The following CLOCK variants were observed in gnomAD, a reference collection of about 807,000 sequenced individuals.
CLOCK encodes the protein clock circadian regulator.
CLOCK carries 43 observed loss-of-function variants against 118.4 expected under a neutral mutation model. The observed-to-expected ratio is 0.36, with a 90% CI of 0.28 to 0.47. CLOCK has a LOEUF of 0.47. CLOCK is among the 20% of genes least tolerant of loss of function. The pLI is 1.00. For missense variants in CLOCK, 846 were observed against 999.9 expected, an observed-to-expected ratio of 0.85 and a Z score of 2.08; for synonymous variants, 326 against 339.2, an observed-to-expected ratio of 0.96 and a Z score of 0.43.
intron 8 of CLOCK, among the ~76,000 whole-genome samples, chr4:55,464,382 A>G (rs777251781): frequency 3.3e-5 from 5 of 152,258 alleles, no homozygotes; most frequent in African/African-American, 4.8e-5. Flanking sequence ...ATTAATCAAT[A>G]GCAATTTGAC....
intron 2 of CLOCK, among the ~76,000 whole-genome samples, chr4:55,502,875 A>G (rs760809436): frequency 1.2e-4 from 18 of 152,192 alleles, no homozygotes; most frequent in Non-Finnish European, 2.1e-4. Flanking sequence ...GGATATTCAA[A>G]TGGTCAACAG....
intron 1 of CLOCK, among the ~76,000 whole-genome samples, chr4:55,534,685 G>C (rs1312608256): frequency 6.6e-6 from 1 of 152,124 alleles, no homozygotes; most frequent in African/African-American, 2.4e-5. Context: ...CAGAATAGTA[G>C]CTGGCACAGA....
chr4:55,534,774 C>CAAA, intron 1 of CLOCK, among the ~76,000 whole-genome samples: 1 of 55,076 alleles, frequency 1.8e-5, no homozygotes, highest in Middle Eastern at 0.013. Context: ...CTTCAAAGCA[C>CAAA]TACTGAGAAA....
chr4:55,499,797 T>G (rs1426380071), intron 2 of CLOCK, among the ~76,000 whole-genome samples: 1 of 152,214 alleles, frequency 6.6e-6, no homozygotes, highest in African/African-American at 2.4e-5. Context: ...TTGCCATGTT[T>G]CTTTCGCTCT....
intron 13 of CLOCK, among the ~76,000 whole-genome samples, chr4:55,455,011 G>A (rs761630626): frequency 6.6e-6 from 1 of 152,080 alleles, no homozygotes; most frequent in Non-Finnish European, 1.5e-5. Flanking sequence ...GTGCTGAAAT[G>A]ACTTTACTCT....
intron 2 of CLOCK, among the ~76,000 whole-genome samples, chr4:55,498,464 T>G (rs1027938623): frequency 2.6e-5 from 4 of 152,170 alleles, no homozygotes; most frequent in Non-Finnish European, 5.9e-5. Context: ...TATCTAAGTT[T>G]ATATTTAGGA....
intron 1 of CLOCK, among the ~76,000 whole-genome samples, chr4:55,510,629 TAAAAAAAAAAAAAA>T (rs3842583): frequency 9.6e-6 from 1 of 104,310 alleles, no homozygotes; most frequent in Non-Finnish European, 1.8e-5. Flanking sequence ...TCTGTCTTTT[TAAAAAAAAAAAAAA>T]AAAAAAAAAA....
Position 55,546,884 on chromosome 4 carries a change from C to G in CLOCK, c.-392G>C, listed in dbSNP as rs1287842858. 6.6e-6 allele frequency: 1 copy of G among 152,130 alleles called. No individual in the cohort carries two copies. The highest frequency in any genetic ancestry group is 1.5e-5 in the Non-Finnish European group (1 of 68,016). The allele number at this position is 152,130 out of a possible 1,614,324, so 9.4% of individuals were successfully genotyped here. ...CCGCAAGCCGAGTCCGTGATTGCGCCCCCTCCCGGCGCATGCGTCGTCAGC... is the reference window on the plus strand; with the variant it reads ...CCGCAAGCCGAGTCCGTGATTGCGCGCCCTCCCGGCGCATGCGTCGTCAGC... On this transcript the variant is annotated 5_prime_UTR_variant, in exon 1 of 23. Coordinates refer to ENST00000513440, the MANE Select transcript of CLOCK (RefSeq NM_004898.4).
intron 1 of CLOCK, among the ~76,000 whole-genome samples, chr4:55,536,637 C>T (rs2110103578): frequency 6.6e-6 from 1 of 152,280 alleles, no homozygotes; most frequent in Admixed American, 6.5e-5. Context: ...TTCCTATACA[C>T]TTTGGAGAAC....
Position 55,482,922 on chromosome 4 carries a change from C to A in CLOCK, c.-43-94G>T. On this transcript the variant is annotated intron_variant, in intron 3 of 22. Transcript: ENST00000513440. Reference sequence around the variant, plus strand: ...GAAATACTATATGTTATCACAGAGACTTCAAAACGTTTTGTTTGTACTGAA... The same window carrying A: ...GAAATACTATATGTTATCACAGAGAATTCAAAACGTTTTGTTTGTACTGAA... The A allele has an allele frequency of 5.3e-6, 3 of 564,168 alleles. No individual in the cohort carries two copies. In the Admixed American group the frequency reaches 1.0e-4, roughly 19 times the overall value. The allele number at this position is 564,168 out of a possible 1,614,324, so 34.9% of individuals were successfully genotyped here. A position where few individuals can be genotyped will look rare whatever the true frequency, so the allele number is the denominator to read the frequency against.
chr4:55,457,043 A>T (rs185937740), intron 11 of CLOCK, among the ~76,000 whole-genome samples: 2 of 152,326 alleles, frequency 1.3e-5, no homozygotes, highest in Non-Finnish European at 2.9e-5. Flanking sequence ...AATAACCTTT[A>T]GATGCAAGCT....
intron 2 of CLOCK, among the ~76,000 whole-genome samples, chr4:55,490,448 G>A (rs1231786412): frequency 6.6e-6 from 1 of 151,962 alleles, no homozygotes; most frequent in Non-Finnish European, 1.5e-5. Flanking sequence ...TTTCAATAAT[G>A]GACAGATAAT....
chr4:55,539,572 C>CAAAAAAAAA lies in CLOCK; in HGVS notation c.-290+7201_-290+7209dup, dbSNP rs57022769. 1.5e-4 allele frequency among the ~76,000 whole-genome samples: 8 copies of CAAAAAAAAA among 52,064 alleles called. 2 individuals carry two copies. Among genetic ancestry groups the CAAAAAAAAA allele is most frequent in the Non-Finnish European group, 2.2e-4 (7 of 31,352 alleles). 34.2% of individuals were successfully genotyped at this position (52,064 alleles called of 152,430 possible). A position where few individuals can be genotyped will look rare whatever the true frequency, so the allele number is the denominator to read the frequency against. On this transcript the variant is annotated intron_variant, in intron 1 of 22. Coordinates refer to ENST00000513440, the MANE Select transcript of CLOCK (RefSeq NM_004898.4). ...TGGGTGCCAGAGTGAGACCTTGTCT[C>CAAAAAAAAA]AAAAAAAAAAAAAAAAAAAAAAAAA...
chr4:55,487,878 G>T (rs1424400257), intron 3 of CLOCK, among the ~76,000 whole-genome samples: 1 of 152,140 alleles, frequency 6.6e-6, no homozygotes, highest in Non-Finnish European at 1.5e-5. Context: ...AAATTTTGTT[G>T]CTACTGTTTC....
intron 1 of CLOCK, among the ~76,000 whole-genome samples, chr4:55,532,823 G>T (rs951104125): frequency 2.6e-5 from 4 of 152,080 alleles, no homozygotes; most frequent in African/African-American, 9.7e-5. Flanking sequence ...CTCCAGCCTA[G>T]GTGACAGAGA....
intron 2 of CLOCK, among the ~76,000 whole-genome samples, chr4:55,493,344 C>T (rs1727848261): frequency 6.6e-6 from 1 of 152,156 alleles, no homozygotes. Flanking sequence ...CACTGACCTA[C>T]TTTGGAATTT....
chr4:55,531,609 G>A (rs1198264936), intron 1 of CLOCK, among the ~76,000 whole-genome samples: 1 of 148,230 alleles, frequency 6.7e-6, no homozygotes, highest in South Asian at 2.2e-4. Context: ...GGAAGCTGAG[G>A]CAGGAGAATC....
intron 1 of CLOCK, among the ~76,000 whole-genome samples, chr4:55,521,181 G>A (rs1729823639): frequency 6.6e-6 from 1 of 152,086 alleles, no homozygotes; most frequent in East Asian, 1.9e-4. Flanking sequence ...AGTAATTTGT[G>A]TCCCTTAATT....
At chr4:55,485,013 G>GA (rs1727201737) in intron 3 of CLOCK, among the ~76,000 whole-genome samples, 1 of 151,818 alleles carries the variant, frequency 6.6e-6, no homozygotes, top group South Asian at 2.1e-4. Context: ...GCCCAGGCTG[G>GA]AGTGCAGTGG....
Sources: allele counts gnomAD v4.1 joint callset (sites outside exome capture counted in the v4.1 genomes callset), GRCh38; gene constraint gnomAD v4.1.1; transcripts MANE v1.5; gene names NCBI Gene and HGNC (gene_info 2026-07-23, HGNC 2026-07-21).